PPP1R9A: variants seen among roughly 807,000 people sequenced by gnomAD.
PPP1R9A encodes the protein neurabin-1.
Under a neutral mutation model 141.9 loss-of-function variants are expected in PPP1R9A, and 59 were observed. The observed-to-expected ratio is 0.42, with a 90% CI of 0.34 to 0.52. The LOEUF (loss-of-function observed/expected upper bound fraction) is 0.52, where lower values mean the gene tolerates loss of function less well. Ranked by LOEUF, PPP1R9A falls within the 20% of genes least tolerant of loss-of-function variation. The probability of loss-of-function intolerance (pLI) is 0.10; values close to 1 mark genes in which losing one functional copy is unlikely to be tolerated. For missense variants in PPP1R9A, 1,444 were observed against 1,611.9 expected, an observed-to-expected ratio of 0.90 and a Z score of 1.78; for synonymous variants, 500 against 569.7, an observed-to-expected ratio of 0.88 and a Z score of 1.74.
At chr7:94,973,315 T>G (rs931747938) in intron 2 of PPP1R9A, among the ~76,000 whole-genome samples, 2 of 152,230 alleles carry the variant, frequency 1.3e-5, no homozygotes. Context: ...AAAAAGTGAT[T>G]TAATAAGATT....
chr7:95,259,519 A>G (rs1213214331), intron 12 of PPP1R9A, among the ~76,000 whole-genome samples: 1 of 152,200 alleles, frequency 6.6e-6, no homozygotes, highest in African/African-American at 2.4e-5. Flanking sequence ...GACTCCTCCA[A>G]GAAATCATTT....
chr7:95,196,017 T>C (rs1445931036), intron 5 of PPP1R9A, among the ~76,000 whole-genome samples: 1 of 152,094 alleles, frequency 6.6e-6, no homozygotes, highest in African/African-American at 2.4e-5. Context: ...GCCACTGCAC[T>C]CCAGCATGGG....
chr7:94,972,409 A>ATT (rs59867967), intron 2 of PPP1R9A, among the ~76,000 whole-genome samples: 2 of 143,906 alleles, frequency 1.4e-5, no homozygotes, highest in Non-Finnish European at 1.5e-5. Flanking sequence ...GTTAGGACCA[A>ATT]TTTTTTTTTT....
At chr7:95,036,186 A>G (rs1054520506) in intron 2 of PPP1R9A, 7 of 152,192 alleles carry the variant, frequency 4.6e-5, no homozygotes, top group African/African-American at 1.2e-4. Context: ...AAGAGTGACT[A>G]TAGACTTAAG....
At chr7:95,241,039 A>G (rs1413681149) in intron 8 of PPP1R9A, among the ~76,000 whole-genome samples, 1 of 152,122 alleles carries the variant, frequency 6.6e-6, no homozygotes, top group Admixed American at 6.6e-5. Flanking sequence ...TGTCCAGCCC[A>G]GTTGCTATTT....
intron 12 of PPP1R9A, among the ~76,000 whole-genome samples, chr7:95,261,676 A>T (rs1800451136): frequency 6.6e-6 from 1 of 152,182 alleles, no homozygotes; most frequent in Admixed American, 6.5e-5. Flanking sequence ...TTATTTATTT[A>T]CAAACTTTAT....
chr7:95,013,609 G>A (rs761084827), intron 2 of PPP1R9A, among the ~76,000 whole-genome samples: 1 of 152,198 alleles, frequency 6.6e-6, no homozygotes, highest in Middle Eastern at 3.4e-3. Context: ...GACTGCTGTT[G>A]TAGTGGGACA....
At chr7:95,024,707 C>A (rs112219706) in intron 2 of PPP1R9A, among the ~76,000 whole-genome samples, 5 of 152,090 alleles carry the variant, frequency 3.3e-5, no homozygotes, top group African/African-American at 1.2e-4. Flanking sequence ...TACAGCACAC[C>A]GATAGGTTTT....
intron 8 of PPP1R9A, among the ~76,000 whole-genome samples, chr7:95,233,544 G>T (rs887894170): frequency 6.6e-6 from 1 of 151,684 alleles, no homozygotes; most frequent in South Asian, 2.1e-4. Flanking sequence ...GTAAAAAATT[G>T]CCAACAAAAA....
At chr7:95,224,006 A>G (rs1481218578) in intron 7 of PPP1R9A, among the ~76,000 whole-genome samples, 1 of 149,908 alleles carries the variant, frequency 6.7e-6, no homozygotes, top group Non-Finnish European at 1.5e-5. Flanking sequence ...ATACAAAAGA[A>G]AAAAAAAAGC....
At chr7:95,020,868 C>G (rs1188928969) in intron 2 of PPP1R9A, among the ~76,000 whole-genome samples, 1 of 152,190 alleles carries the variant, frequency 6.6e-6, no homozygotes, top group Non-Finnish European at 1.5e-5. Flanking sequence ...TTTATCCAGT[C>G]TGTCATTGCT....
chr7:95,210,777 G>C (rs1235499543), intron 7 of PPP1R9A, among the ~76,000 whole-genome samples: 1 of 152,172 alleles, frequency 6.6e-6, no homozygotes, highest in East Asian at 1.9e-4. Context: ...ACTGGATAAA[G>C]AAAATGTGGC....
intron 2 of PPP1R9A, among the ~76,000 whole-genome samples, chr7:95,090,507 T>C (rs2152335077): frequency 6.6e-6 from 1 of 152,038 alleles, no homozygotes; most frequent in South Asian, 2.1e-4. Flanking sequence ...TCCAGAAAAC[T>C]ATAAAGAAAA....
chr7:95,116,680 AT>A (rs1821583862), intron 3 of PPP1R9A, among the ~76,000 whole-genome samples: 2 of 152,162 alleles, frequency 1.3e-5, no homozygotes, highest in Admixed American at 1.3e-4. Flanking sequence ...ACAGTATTAA[AT>A]TTTTTTGGTA....
intron 2 of PPP1R9A, among the ~76,000 whole-genome samples, chr7:95,094,811 C>T (rs1350280249): frequency 7.4e-6 from 1 of 135,074 alleles, no homozygotes; most frequent in Non-Finnish European, 1.5e-5. Context: ...ACCTGGGAGG[C>T]AGAGGTTCCA....
chr7:95,289,333 C>A (rs1805959923), intron 19 of PPP1R9A, among the ~76,000 whole-genome samples: 1 of 152,236 alleles, frequency 6.6e-6, no homozygotes, highest in Non-Finnish European at 1.5e-5. Context: ...GCCTCAGCCC[C>A]CTGCTGGGCT....
At chr7:95,048,851 C>T (rs1810402172) in intron 2 of PPP1R9A, among the ~76,000 whole-genome samples, 1 of 151,902 alleles carries the variant, frequency 6.6e-6, no homozygotes, top group South Asian at 2.1e-4. Context: ...GGCCCTATGA[C>T]AGCTATTATT....
intron 4 of PPP1R9A, among the ~76,000 whole-genome samples, chr7:95,134,932 A>C (rs913896259): frequency 5.9e-5 from 9 of 152,186 alleles, no homozygotes; most frequent in African/African-American, 2.2e-4. Flanking sequence ...TTTAAAAAAC[A>C]GTATTATACG....
chr7:95,207,543 G>A (rs1344623139), intron 7 of PPP1R9A, among the ~76,000 whole-genome samples: 1 of 152,094 alleles, frequency 6.6e-6, no homozygotes, highest in Non-Finnish European at 1.5e-5. Flanking sequence ...ATATAAAAGA[G>A]ATAATATATC....
Sources: allele counts gnomAD v4.1 joint callset (sites outside exome capture counted in the v4.1 genomes callset), GRCh38; gene constraint gnomAD v4.1.1; transcripts MANE v1.5; gene names NCBI Gene and HGNC (gene_info 2026-07-23, HGNC 2026-07-21).